The following EPSTI1 variants were observed in gnomAD, a reference collection of about 807,000 sequenced individuals.
The protein encoded by EPSTI1 is epithelial stromal interaction 1, also known as epithelial-stromal interaction protein 1.
In EPSTI1, 66 loss-of-function variants were observed where a neutral mutation model predicts 49.9. The observed-to-expected ratio is 1.32, with a 90% CI of 1.08 to 1.62. The LOEUF (loss-of-function observed/expected upper bound fraction) is 1.62, where lower values mean the gene tolerates loss of function less well. Among genes scored for constraint, EPSTI1 ranks in the 40% most tolerant of loss-of-function variants. EPSTI1 has a pLI of 0.00. For missense variants in EPSTI1, 394 were observed against 365.5 expected (o/e 1.08, Z -0.64); for synonymous variants, 137 against 130.7 (o/e 1.05, Z -0.33).
At chr13:42,900,198 C>T (rs1266668470) in intron 9 of EPSTI1, 112 bp downstream of exon 9, 18 of 935,934 alleles carry the variant, frequency 1.9e-5, no homozygotes, top group African/African-American at 6.5e-5. Context: ...AAAGGTAACA[C>T]GCATTCCAAA....
chr13:42,989,216 T>C (rs1474750262), intron 1 of EPSTI1, among the ~76,000 whole-genome samples: 2 of 152,030 alleles, frequency 1.3e-5, no homozygotes, highest in Non-Finnish European at 2.9e-5. Context: ...ACATTCGACT[T>C]AAGGGTGACA....
Position 42,895,001 on chromosome 13 carries a change from A to C in EPSTI1, c.915+8T>G, listed in dbSNP as rs1395194398. On this transcript the variant is annotated splice_region_variant and intron_variant, in intron 10 of 10. Transcript: ENST00000313624. The stretch of plus-strand genomic sequence containing the variant: ...GAAAGATGATTTAAGAGAAAAGAAA[A>C]AACTCACCCAGCTGTTACCGCTATT... 1 of 1,599,918 alleles carries C rather than the reference A, an allele frequency of 6.3e-7. No individual in the cohort carries two copies. The highest frequency in any genetic ancestry group is 1.1e-5 in the South Asian group (1 of 87,540).
At chr13:42,919,493 T>C (rs1270245780) in intron 7 of EPSTI1, among the ~76,000 whole-genome samples, 1 of 152,226 alleles carries the variant, frequency 6.6e-6, no homozygotes, top group African/African-American at 2.4e-5. Flanking sequence ...AAAATACACC[T>C]TTATTTATCC....
chr13:42,928,682 G>A lies in EPSTI1; in HGVS notation c.564-2253C>T, dbSNP rs1472989760. Among the ~76,000 whole-genome samples the A allele has an allele frequency of 3.9e-5, 6 of 152,222 alleles. No homozygotes were observed. In the South Asian group the frequency reaches 6.2e-4, roughly 16 times the overall value. On this transcript the variant is annotated intron_variant, in intron 6 of 10. Coordinates refer to ENST00000313624, the MANE Select transcript of EPSTI1 (RefSeq NM_033255.5). ...TGAAAGGTCCCTTCAGGAAAATCTC[G>A]CCTCAACAGAATACAGTTGTAGCAG...
intron 4 of EPSTI1, chr13:42,963,541 T>C: frequency 1.7e-6 from 1 of 577,178 alleles, no homozygotes; most frequent in African/African-American, 1.9e-5. Context: ...TGTCTTTGTG[T>C]TTCTTCCTTG....
intron 1 of EPSTI1, among the ~76,000 whole-genome samples, chr13:42,979,157 G>A (rs974358743): frequency 6.6e-6 from 1 of 152,090 alleles, no homozygotes; most frequent in Non-Finnish European, 1.5e-5. Flanking sequence ...CAAATTTTAA[G>A]CATACAGCTT....
intron 7 of EPSTI1, among the ~76,000 whole-genome samples, chr13:42,925,013 C>A (rs180729321): frequency 3.2e-4 from 48 of 152,280 alleles, no homozygotes; most frequent in Middle Eastern, 3.4e-3. Flanking sequence ...CAGCTACAAC[C>A]CTTATCCAGA....
rs992966465 is a variant in EPSTI1, at chr13:42,922,090, A to G, written c.657+4246T>C. Among the ~76,000 whole-genome samples, 1 of 152,228 alleles carries G rather than the reference A, an allele frequency of 6.6e-6. No homozygotes were observed. Among genetic ancestry groups the G allele is most frequent in the African/African-American group, 2.4e-5 (1 of 41,464 alleles). On this transcript the variant is annotated intron_variant, in intron 7 of 10. Coordinates refer to ENST00000313624, the MANE Select transcript of EPSTI1 (RefSeq NM_033255.5). This position sits in a 1 kb window ranked among gnomAD's most constrained non-coding sequence, Gnocchi z 4.8. ...GCAGTGAGAAAACGTGTATATAGTC[A>G]TAATAGGGAAAGCTCAAATTACTGA...
chr13:42,910,334 T>G (rs181762939), intron 8 of EPSTI1, among the ~76,000 whole-genome samples: 1 of 149,378 alleles, frequency 6.7e-6, no homozygotes, highest in African/African-American at 2.5e-5. Context: ...CAGTCTTGGC[T>G]TACTGCAACC....
chr13:42,952,150 G>A (rs369499788), intron 6 of EPSTI1, among the ~76,000 whole-genome samples: 32 of 152,290 alleles, frequency 2.1e-4, no homozygotes, highest in African/African-American at 2.2e-4. Context: ...AAAATGGACC[G>A]ATCAACGGGA....
At chr13:42,980,008 CT>C (rs1174143698) in intron 1 of EPSTI1, among the ~76,000 whole-genome samples, 1 of 151,432 alleles carries the variant, frequency 6.6e-6, no homozygotes, top group African/African-American at 2.4e-5. Context: ...ATTTCCTTGA[CT>C]TTTTTTTTCT....
At position 42,895,106 on chromosome 13, in the gene EPSTI1, A is replaced by C. The variant is rs1253652975; in HGVS notation, c.818T>G (p.Val273Gly). The change falls in exon 10 of 11, where the codon GTA (valine) becomes GGA (glycine). Residue 273 changes from valine to glycine, a missense_variant and splice_region_variant. Coordinates refer to ENST00000313624, the MANE Select transcript of EPSTI1 (RefSeq NM_033255.5). ...AKIHQTEHRR[V>G]NNAFLDRLQG... The stretch of plus-strand genomic sequence containing the variant: ...GAGTCGGTCCAGAAAAGCATTATTT[A>C]CCCTTTAAAACAATGAAAAATGTGT... 6.2e-7 allele frequency: 1 copy of C among 1,607,284 alleles called. No homozygotes were observed. The highest frequency in any genetic ancestry group is 2.2e-5 in the East Asian group (1 of 44,796).
Position 42,926,416 on chromosome 13 carries a change from A to G in EPSTI1, c.577T>C (p.Phe193Leu). ...REHQQYKTAEFLSKLNTESPD... is the reference protein window; with the variant it reads ...REHQQYKTAELLSKLNTESPD... Reference sequence around the variant, plus strand: ...GATTCTGTGTTCAGTTTGCTCAAGAACTCAGCGGTTTTGCTACCAGAAACA... The same window carrying G: ...GATTCTGTGTTCAGTTTGCTCAAGAGCTCAGCGGTTTTGCTACCAGAAACA... The change falls in exon 7 of 11, where the codon TTC (phenylalanine) becomes CTC (leucine). Residue 193 changes from phenylalanine (F) to leucine (L), a missense_variant. Transcript: ENST00000313624. 1.2e-6 allele frequency: 2 copies of G among 1,612,246 alleles called. No homozygotes were observed. Among genetic ancestry groups the G allele is most frequent in the Non-Finnish European group, 1.7e-6 (2 of 1,178,326 alleles).
chr13:42,933,848 A>AC (rs35186605), intron 6 of EPSTI1: 18,463 of 152,146 alleles, frequency 0.12, 1,420 homozygotes, highest in Non-Finnish European at 0.17. Context: ...CAAGAGGAAT[A>AC]CCCCCCTGCA....
intron 10 of EPSTI1, among the ~76,000 whole-genome samples, chr13:42,893,128 T>A (rs2153408529): frequency 6.6e-6 from 1 of 152,132 alleles, no homozygotes; most frequent in East Asian, 1.9e-4. Flanking sequence ...ATAAAGAAAT[T>A]AGAGATAGCA....
intron 8 of EPSTI1, 68 bp downstream of exon 8, chr13:42,917,473 A>G: frequency 7.6e-7 from 1 of 1,311,700 alleles, no homozygotes; most frequent in Non-Finnish European, 1.1e-6. Context: ...TTCTGTTCAG[A>G]AATTCTTCAA....
Position 42,988,564 on chromosome 13 carries a change from C to G in EPSTI1, c.188+3414G>C, listed in dbSNP as rs557107396. On this transcript the variant is annotated intron_variant, in intron 1 of 10. Transcript: ENST00000313624. ...TGGCCAATGTGGCGAAACCCCGTCT[C>G]TACTAAAAATACGAAAATTAGCCAG... Among the ~76,000 whole-genome samples, 31 of 152,218 alleles carry G rather than the reference C, an allele frequency of 2.0e-4. No homozygotes were observed. The South Asian group carries it at 2.1e-3, about 10-fold the overall frequency.
chr13:42,968,921 TAC>T lies in EPSTI1; in HGVS notation c.331+171_331+172del, dbSNP rs71970864. Among the ~76,000 whole-genome samples the T allele has an allele frequency of 6.4e-3, 756 of 117,554 alleles. 16 individuals carry two copies. The highest frequency in any genetic ancestry group is 8.8e-3 in the Middle Eastern group (2 of 228). 77.1% of individuals were successfully genotyped at this position (117,554 alleles called of 152,430 possible). A position where few individuals can be genotyped will look rare whatever the true frequency, so the allele number is the denominator to read the frequency against. On this transcript the variant is annotated intron_variant, in intron 3 of 10. Transcript: ENST00000313624. ...GCAGAAAATCAGAAAAAAAAAAAAA[TAC>T]ACACACACACACACACACACACACA...
At position 42,887,376 on chromosome 13, in the gene EPSTI1, C is replaced by T. The variant is rs935842482; in HGVS notation, c.*1118G>A. On this transcript the variant is annotated 3_prime_UTR_variant, in exon 11 of 11. Coordinates refer to ENST00000313624, the MANE Select transcript of EPSTI1 (RefSeq NM_033255.5). ...CTCTTGGCCCAAGAATTTCAAAACC[C>T]CATGTTTTCCTGAATAAAGAGATTC... 4.6e-5 allele frequency: 7 copies of T among 152,192 alleles called. No individual in the cohort carries two copies. Among genetic ancestry groups the T allele is most frequent in the African/African-American group, 1.7e-4 (7 of 41,432 alleles). The allele number at this position is 152,192 out of a possible 1,614,324, so 9.4% of individuals were successfully genotyped here. A position where few individuals can be genotyped will look rare whatever the true frequency, so the allele number is the denominator to read the frequency against.
Sources: allele counts gnomAD v4.1 joint callset (sites outside exome capture counted in the v4.1 genomes callset), GRCh38; gene constraint gnomAD v4.1.1; non-coding constraint Gnocchi (gnomAD v3.1); transcripts MANE v1.5; gene names NCBI Gene and HGNC (gene_info 2026-07-23, HGNC 2026-07-21).